ARHGAP45: variants seen among roughly 807,000 people sequenced by gnomAD.
ARHGAP45 encodes Rho GTPase activating protein 45, also known as rho GTPase-activating protein 45.
Under a neutral mutation model 116.1 loss-of-function variants are expected in ARHGAP45, and 56 were observed. That is an observed-to-expected ratio of 0.48 (90% CI 0.39 to 0.60). The LOEUF is 0.60. ARHGAP45 is among the 20% of genes least tolerant of loss of function. The pLI, the probability that ARHGAP45 is intolerant of heterozygous loss-of-function variation, is 0.00. For missense variants in ARHGAP45, 1,622 were observed against 1,601.0 expected (o/e 1.01, Z -0.22); for synonymous variants, 866 against 701.7 (o/e 1.23, Z -3.70).
In ARHGAP45 at chr19:1,083,312, C is replaced by A; in HGVS notation, c.2914C>A (p.Leu972Met). The A allele has an allele frequency of 2.5e-6, 4 of 1,569,940 alleles. No homozygotes were observed. The highest frequency in any genetic ancestry group is 3.5e-6 in the Non-Finnish European group (4 of 1,157,722). Residue 972 changes from leucine (L) to methionine (M), a missense_variant, in exon 21 of 23, where the codon CTG becomes ATG. Leu to Met is a conservative substitution (Grantham distance 15). Transcript: ENST00000313093. ...CGAGACTCTCATCGTCCACTACGGCCTGGTCTTCGAGGAGGAGCCGGAGGA... is the reference window on the plus strand; with the variant it reads ...CGAGACTCTCATCGTCCACTACGGCATGGTCTTCGAGGAGGAGCCGGAGGA... ...VIETLIVHYGLVFEEEPEETP... is the reference protein window; with the variant it reads ...VIETLIVHYGMVFEEEPEETP...
intron 2 of ARHGAP45, among the ~76,000 whole-genome samples, chr19:1,070,509 TC>T (rs1392303462): frequency 8.7e-6 from 1 of 115,278 alleles, no homozygotes; most frequent in Non-Finnish European, 1.6e-5. Flanking sequence ...TTTTTTTCTT[TC>T]TTTTTTTTTT....
In ARHGAP45 at chr19:1,083,087, T is replaced by C. The variant is rs767362459; in HGVS notation, c.2744+21T>C. On this transcript the variant is annotated intron_variant, in intron 20 of 22. Transcript: ENST00000313093. The stretch of plus-strand genomic sequence containing the variant: ...CGCAGGTGAGTCCCGGCATATGGAG[T>C]GGAGGGCGCGGGGTCCCGGGAGCCG... The C allele has an allele frequency of 1.6e-5, 25 of 1,560,122 alleles. No homozygotes were observed. In the East Asian group the frequency reaches 4.9e-4, roughly 31 times the overall value.
chr19:1,083,011 G>T lies in ARHGAP45; in HGVS notation c.2689G>T (p.Asp897Tyr). 1.3e-6 allele frequency: 2 copies of T among 1,545,430 alleles called. No homozygotes were observed. ...LAGRLRELLR[D>Y]LPPENRASLQ... The stretch of plus-strand genomic sequence containing the variant: ...AGGTCGGCTGCGGGAGCTCCTGCGG[G>T]ACCTGCCGCCTGAGAACCGGGCCTC... Residue 897 changes from aspartate to tyrosine, a missense_variant, in exon 20 of 23, where the codon GAC (aspartate) becomes TAC (tyrosine). Physicochemically the swap from Asp to Tyr is radical, Grantham distance 160 (BLOSUM62 -3). This residue lies in a region of ARHGAP45 where 1,334 missense variants were observed against 1,263.8 expected (regional missense o/e 1.06). Transcript: ENST00000313093.
Position 1,079,957 on chromosome 19 carries a change from T to C in ARHGAP45, c.1542T>C (p.His514=), listed in dbSNP as rs747031182. ...CGATCTCCTACTACCAGATGATGCA[T>C]ATGCAGACGGCGCCGCTGCCCGTGC... The part of the protein sequence containing the change: ...SATISYYQMM[H]MQTAPLPVHF... The change falls in exon 13 of 23, where the codon CAT becomes CAC. Residue 514 remains histidine (H), a synonymous_variant. Coordinates refer to ENST00000313093, the MANE Select transcript of ARHGAP45 (RefSeq NM_012292.5). The C allele has an allele frequency of 4.3e-5, 70 of 1,612,322 alleles. 1 individual carries two copies. The South Asian group carries it at 4.8e-4, about 11-fold the overall frequency.
At position 1,074,807 on chromosome 19, in the gene ARHGAP45, C is replaced by G; in HGVS notation, c.1113C>G (p.Thr371=). The G allele has an allele frequency of 6.4e-7, 1 of 1,571,510 alleles. No homozygotes were observed. The highest frequency in any genetic ancestry group is 8.6e-7 in the Non-Finnish European group (1 of 1,156,970). Residue 371 remains threonine, a synonymous_variant, in exon 10 of 23, where the codon ACC becomes ACG. Coordinates refer to ENST00000313093, the MANE Select transcript of ARHGAP45 (RefSeq NM_012292.5). The part of the protein sequence containing the change: ...LQTQTFMQPL[T]LRRLEHEKRR... ...GGCCCGTCTCGCCCCAGCCCCTGAC[C>G]CTGCGGCGGCTTGAACACGAGAAGC... is the stretch of plus-strand genomic sequence containing the variant.
In ARHGAP45 at chr19:1,080,093, G is replaced by A. The variant is rs1164851110; in HGVS notation, c.1678G>A (p.Glu560Lys). Reference protein sequence around the residue: ...DQEPDVHYDFEPHVSANAWSP... With the variant: ...DQEPDVHYDFKPHVSANAWSP... Reference sequence around the variant, plus strand: ...GGAGCCCGATGTGCACTACGACTTTGAGCCCCACGTCTCCGCCAACGCCTG... The same window carrying A: ...GGAGCCCGATGTGCACTACGACTTTAAGCCCCACGTCTCCGCCAACGCCTG... Residue 560 changes from glutamate (E) to lysine (K), a missense_variant, in exon 13 of 23, where the codon GAG becomes AAG. By Grantham distance (56) the Glu-to-Lys change is moderately conservative. Around this residue, in one of 3 missense-constraint regions of ARHGAP45, gnomAD observed 1,334 missense variants for 1,263.8 expected, o/e 1.06. Transcript: ENST00000313093. 1 of 1,612,322 alleles carries A rather than the reference G, an allele frequency of 6.2e-7. No individual in the cohort carries two copies. Among genetic ancestry groups the A allele is most frequent in the South Asian group, 1.1e-5 (1 of 91,084 alleles).
intron 17 of ARHGAP45, 89 bp from the exon 18 acceptor site, chr19:1,081,461 A>G: frequency 1.7e-6 from 2 of 1,162,664 alleles, no homozygotes; most frequent in Non-Finnish European, 2.3e-6. Flanking sequence ...GGGGGCTGTG[A>G]GCGCCCCGGG....
At position 1,085,767 on chromosome 19, in the gene ARHGAP45, C is replaced by T; in HGVS notation, c.3172C>T (p.Gln1058Ter). ...ALGHLSFLEQ[Q>*]QSEASLEVAS... ...GGGCCACCTCAGCTTCCTGGAGCAG[C>T]AGCAGAGCGAGGCCAGCCTAGAGGT... The change falls in exon 23 of 23, where the codon CAG becomes TAG. Residue 1058 changes from glutamine (Q) to a stop codon, truncating the protein, a stop_gained. Coordinates refer to ENST00000313093, the MANE Select transcript of ARHGAP45 (RefSeq NM_012292.5). LOFTEE classifies it low-confidence loss of function (END_TRUNC). 6.2e-7 allele frequency: 1 copy of T among 1,612,622 alleles called. No individual in the cohort carries two copies. Among genetic ancestry groups the T allele is most frequent in the South Asian group, 1.1e-5 (1 of 91,058 alleles).
Position 1,081,592 on chromosome 19 carries a change from A to G in ARHGAP45, c.2233A>G (p.Ile745Val). ...CAAGAAATGTCTGGAGACGCTGGCC[A>G]TACAGTGCGGGCACAAGAAGCTGCA... The part of the protein sequence containing the change: ...CHKKCLETLA[I>V]QCGHKKLQGR... The change falls in exon 18 of 23, where the codon ATA (isoleucine) becomes GTA (valine). Residue 745 changes from isoleucine to valine, a missense_variant. Ile to Val is a conservative substitution (Grantham distance 29). This residue lies in a region of ARHGAP45 where 1,334 missense variants were observed against 1,263.8 expected (regional missense o/e 1.06). Transcript: ENST00000313093. The G allele has an allele frequency of 2.0e-6, 3 of 1,521,952 alleles. No homozygotes were observed. Among genetic ancestry groups the G allele is most frequent in the Non-Finnish European group, 2.6e-6 (3 of 1,132,394 alleles). The allele number at this position is 1,521,952 out of a possible 1,614,324, so 94.3% of individuals were successfully genotyped here.
chr19:1,085,370 T>G (rs1049601535), intron 22 of ARHGAP45, among the ~76,000 whole-genome samples: 1 of 152,164 alleles, frequency 6.6e-6, no homozygotes, highest in Non-Finnish European at 1.5e-5. Flanking sequence ...GTGGGAATTA[T>G]GGGAGCTACA....
chr19:1,074,693 T>C lies in ARHGAP45; in HGVS notation c.1073T>C (p.Val358Ala), dbSNP rs1280434528. The C allele has an allele frequency of 6.2e-7, 1 of 1,609,274 alleles. No homozygotes were observed. The highest frequency in any genetic ancestry group is 1.7e-5 in the Admixed American group (1 of 59,848). The change falls in exon 9 of 23, where the codon GTG becomes GCG. Residue 358 changes from valine to alanine, a missense_variant. Coordinates refer to ENST00000313093, the MANE Select transcript of ARHGAP45 (RefSeq NM_012292.5). ...LEFGHSMVQA[V>A]GTLQTQTFMQ... Reference sequence around the variant, plus strand: ...TTCGGCCACAGCATGGTGCAGGCGGTGGGCACCTTGCAGACCCAGACCTTC... The same window carrying C: ...TTCGGCCACAGCATGGTGCAGGCGGCGGGCACCTTGCAGACCCAGACCTTC...
At chr19:1,070,497 AT>A (rs200073142) in intron 2 of ARHGAP45, among the ~76,000 whole-genome samples, 7 of 125,218 alleles carry the variant, frequency 5.6e-5, no homozygotes, top group Admixed American at 1.5e-4. Flanking sequence ...TGCCCGGCTA[AT>A]TTTTTTTCTT....
At chr19:1,084,619 G>C (rs1040472402) in intron 22 of ARHGAP45, among the ~76,000 whole-genome samples, 1 of 152,212 alleles carries the variant, frequency 6.6e-6, no homozygotes, top group Non-Finnish European at 1.5e-5. Flanking sequence ...TGAGGCTCCA[G>C]GTGCACCAGG....
At chr19:1,079,494 A>C (rs1599764627) in intron 11 of ARHGAP45, among the ~76,000 whole-genome samples, 1 of 130,700 alleles carries the variant, frequency 7.7e-6, no homozygotes. Context: ...ACAGAGCAAG[A>C]CTCCATCTCA....
chr19:1,078,202 G>A (rs1424047244), intron 11 of ARHGAP45, among the ~76,000 whole-genome samples, 157 bp downstream of exon 11: 1 of 152,146 alleles, frequency 6.6e-6, no homozygotes, highest in Non-Finnish European at 1.5e-5. Context: ...GGAGTGCAGT[G>A]GCACAGTCTC....
intron 21 of ARHGAP45, among the ~76,000 whole-genome samples, chr19:1,083,886 G>C (rs920818153): frequency 6.6e-5 from 10 of 152,290 alleles, no homozygotes; most frequent in African/African-American, 2.4e-4. Flanking sequence ...GACTACAGGC[G>C]CCGGCCACCA....
chr19:1,082,844 C>G lies in ARHGAP45; in HGVS notation c.2522C>G (p.Pro841Arg). ...NVLKLYLRQLPEPLISFRLYH... is the reference protein window; with the variant it reads ...NVLKLYLRQLREPLISFRLYH... ...CTGACCCTTGACTCTGCGCAGCTTC[C>G]CGAGCCGCTCATCTCCTTCCGCCTC... is the stretch of plus-strand genomic sequence containing the variant. The change falls in exon 20 of 23, where the codon CCC (proline) becomes CGC (arginine). Residue 841 changes from proline to arginine, a missense_variant. By Grantham distance (103) the Pro-to-Arg change is moderately radical. Around this residue, in one of 3 missense-constraint regions of ARHGAP45, gnomAD observed 1,334 missense variants for 1,263.8 expected, o/e 1.06. Coordinates refer to ENST00000313093, the MANE Select transcript of ARHGAP45 (RefSeq NM_012292.5). The G allele has an allele frequency of 2.0e-6, 3 of 1,501,926 alleles. No individual in the cohort carries two copies. The highest frequency in any genetic ancestry group is 1.8e-6 in the Non-Finnish European group (2 of 1,125,172). 93.0% of individuals were successfully genotyped at this position (1,501,926 alleles called of 1,614,324 possible). A position where few individuals can be genotyped will look rare whatever the true frequency, so the allele number is the denominator to read the frequency against.
In ARHGAP45 at chr19:1,080,504, G is replaced by A. The variant is rs1268294829; in HGVS notation, c.1869G>A (p.Ser623=). The A allele has an allele frequency of 1.2e-6, 2 of 1,612,950 alleles. No individual in the cohort carries two copies. Among genetic ancestry groups the A allele is most frequent in the South Asian group, 1.1e-5 (1 of 91,084 alleles). ...AGGTTCACAAGTCATGGCCGCTCTCGATCTCAGACTCGGACAGTGGGCTGG... is the reference window on the plus strand; with the variant it reads ...AGGTTCACAAGTCATGGCCGCTCTCAATCTCAGACTCGGACAGTGGGCTGG... ...GHQVHKSWPL[S]ISDSDSGLDP... Residue 623 remains serine (S), a synonymous_variant, in exon 15 of 23, where the codon TCG becomes TCA. Coordinates refer to ENST00000313093, the MANE Select transcript of ARHGAP45 (RefSeq NM_012292.5).
chr19:1,080,341 G>A lies in ARHGAP45; in HGVS notation c.1790G>A (p.Gly597Asp), dbSNP rs1293099315. The A allele has an allele frequency of 1.2e-6, 2 of 1,608,650 alleles. No individual in the cohort carries two copies. The highest frequency in any genetic ancestry group is 1.7e-6 in the Non-Finnish European group (2 of 1,179,068). ...PEAAGSPPEE[G>D]GCTEGTPAKD... Reference sequence around the variant, plus strand: ...GCTGCCGGGAGCCCCCCAGAAGAAGGCGGGTGCACTGAGGGCACACCTGCC... The same window carrying A: ...GCTGCCGGGAGCCCCCCAGAAGAAGACGGGTGCACTGAGGGCACACCTGCC... Residue 597 changes from glycine to aspartate, a missense_variant, in exon 14 of 23, where the codon GGC becomes GAC. Physicochemically the swap from Gly to Asp is moderately conservative, Grantham distance 94. This residue lies in a region of ARHGAP45 where 1,334 missense variants were observed against 1,263.8 expected (regional missense o/e 1.06). Transcript: ENST00000313093.
Sources: allele counts gnomAD v4.1 joint callset (sites outside exome capture counted in the v4.1 genomes callset), GRCh38; gene constraint gnomAD v4.1.1; regional missense constraint gnomAD v4.1.1; transcripts MANE v1.5; gene names NCBI Gene and HGNC (gene_info 2026-07-23, HGNC 2026-07-21).